The following ENPP2 variants were observed in gnomAD, a reference collection of about 807,000 sequenced individuals.
ENPP2 encodes the protein ectonucleotide pyrophosphatase/phosphodiesterase 2.
Under a neutral mutation model 120.2 loss-of-function variants are expected in ENPP2, and 51 were observed. The ratio of observed to expected loss-of-function variants is 0.42; its 90% CI spans 0.34 to 0.54. The LOEUF (loss-of-function observed/expected upper bound fraction) is 0.54, where lower values mean the gene tolerates loss of function less well. Ranked by LOEUF, ENPP2 falls within the 20% of genes least tolerant of loss-of-function variation. The pLI is 0.04. For missense variants in ENPP2, 920 were observed against 1,066.5 expected, an observed-to-expected ratio of 0.86 and a Z score of 1.91; for synonymous variants, 365 against 366.4, an observed-to-expected ratio of 1.00 and a Z score of 0.04.
chr8:119,590,220 TAATAAG>T (rs1420911410), intron 13 of ENPP2, among the ~76,000 whole-genome samples: 1 of 152,216 alleles, frequency 6.6e-6, no homozygotes, highest in Non-Finnish European at 1.5e-5. Context: ...AATTTCCACA[TAATAAG>T]AATAAGAGCA....
At chr8:119,614,341 G>C (rs192612958) in intron 8 of ENPP2, among the ~76,000 whole-genome samples, 142 of 151,946 alleles carry the variant, frequency 9.3e-4, no homozygotes, top group African/African-American at 3.3e-3. Flanking sequence ...CTGAGCCATC[G>C]CACATGAGCC....
rs1817976544 is a variant in ENPP2, at chr8:119,663,217, G to A, written c.21+10035C>T. The stretch of plus-strand genomic sequence containing the variant: ...CACGAGATGAGCAGTGCTTTTTCAA[G>A]TTAGGTCAAAAAACAAAATCCCAAC... On this transcript the variant is annotated intron_variant, in intron 1 of 25. Coordinates refer to the ENPP2 transcript ENST00000427067. Among the ~76,000 whole-genome samples, 3 of 151,934 alleles carry A rather than the reference G, an allele frequency of 2.0e-5. 1 individual carries two copies. In the South Asian group the frequency reaches 6.2e-4, roughly 31 times the overall value.
chr8:119,561,495 T>C (rs1029699211), intron 24 of ENPP2, among the ~76,000 whole-genome samples: 2 of 152,162 alleles, frequency 1.3e-5, no homozygotes, highest in Admixed American at 1.3e-4. Context: ...GACCATTACT[T>C]CTAAAATCAA....
chr8:119,608,026 AAAG>A, intron 8 of ENPP2, 49 bp from the exon 9 acceptor site: 2 of 1,334,134 alleles, frequency 1.5e-6, no homozygotes, highest in Non-Finnish European at 2.1e-6. Flanking sequence ...TGTTTTTGTC[AAAG>A]AAGAAAAAGT....
At chr8:119,646,686 C>G (rs1280573411) in intron 1 of ENPP2, among the ~76,000 whole-genome samples, 1 of 152,188 alleles carries the variant, frequency 6.6e-6, no homozygotes, top group Non-Finnish European at 1.5e-5. Context: ...GAGAGTATTA[C>G]ATGAAATAAT....
intron 9 of ENPP2, among the ~76,000 whole-genome samples, chr8:119,604,990 T>C (rs574532848): frequency 1.3e-5 from 2 of 152,058 alleles, no homozygotes; most frequent in South Asian, 4.2e-4. Context: ...AGCCAGGATG[T>C]TCTCCATCTC....
At chr8:119,641,160 T>C (rs1364301130), upstream of ENPP2, among the ~76,000 whole-genome samples, 1 of 152,234 alleles carries the variant, frequency 6.6e-6, no homozygotes, top group African/African-American at 2.4e-5. Flanking sequence ...CAAGCATATA[T>C]GTGCATACAC....
intron 23 of ENPP2, among the ~76,000 whole-genome samples, 178 bp from the exon 24 acceptor site, chr8:119,563,191 G>A (rs1468238566): frequency 2.0e-5 from 3 of 151,962 alleles, no homozygotes; most frequent in Non-Finnish European, 4.4e-5. Flanking sequence ...TGTTTTCTTT[G>A]CCTGGAATCC....
intron 11 of ENPP2, among the ~76,000 whole-genome samples, chr8:119,594,980 AT>A (rs1385639960): frequency 6.6e-6 from 1 of 152,210 alleles, no homozygotes; most frequent in Non-Finnish European, 1.5e-5. Flanking sequence ...TTCAAGTCCT[AT>A]CCCAAGGAGG....
chr8:119,654,935 T>G (rs1817726896), intron 1 of ENPP2, among the ~76,000 whole-genome samples: 1 of 152,174 alleles, frequency 6.6e-6, no homozygotes. Context: ...GTTACTCAAA[T>G]TCAATTAAAT....
At chr8:119,583,460 G>C (rs1248460099) in intron 17 of ENPP2, among the ~76,000 whole-genome samples, 1 of 152,216 alleles carries the variant, frequency 6.6e-6, no homozygotes, top group Non-Finnish European at 1.5e-5. Flanking sequence ...AAACTGTAAT[G>C]CTATGTTAGA....
chr8:119,639,935 C>A (rs73714492), upstream of ENPP2, among the ~76,000 whole-genome samples: 469 of 152,230 alleles, frequency 3.1e-3, 3 homozygotes, highest in African/African-American at 0.011. Flanking sequence ...TGTTTTTGGC[C>A]TCTTCCTCAG....
rs1345557900 is a variant in ENPP2, at chr8:119,658,312, G to A, written c.21+14940C>T. Reference sequence around the variant, plus strand: ...TTAGGCAGAGTCTCAGCTCTGTCGCGCAAGCTGGAGTGCAGTGGTGCAATC... The same window carrying A: ...TTAGGCAGAGTCTCAGCTCTGTCGCACAAGCTGGAGTGCAGTGGTGCAATC... On this transcript the variant is annotated intron_variant, in intron 1 of 25. Coordinates refer to the ENPP2 transcript ENST00000427067. Among the ~76,000 whole-genome samples the A allele has an allele frequency of 5.3e-5, 8 of 152,144 alleles. No homozygotes were observed. The South Asian group carries it at 6.2e-4, about 12-fold the overall frequency.
intron 2 of ENPP2, among the ~76,000 whole-genome samples, chr8:119,630,761 C>A (rs1309865466): frequency 6.6e-6 from 1 of 151,856 alleles, no homozygotes; most frequent in Non-Finnish European, 1.5e-5. Flanking sequence ...ATACCTATGT[C>A]AAAATTCATT....
At chr8:119,667,147 C>T (rs1339310280) in intron 1 of ENPP2, among the ~76,000 whole-genome samples, 1 of 152,142 alleles carries the variant, frequency 6.6e-6, no homozygotes, top group Non-Finnish European at 1.5e-5. Flanking sequence ...CATATGGCCA[C>T]CCAACAAAGG....
intron 2 of ENPP2, among the ~76,000 whole-genome samples, chr8:119,630,107 T>G (rs1279150640): frequency 6.6e-6 from 1 of 151,692 alleles, no homozygotes; most frequent in Non-Finnish European, 1.5e-5. Flanking sequence ...TCTTCCCTAT[T>G]TCTTTCTTTT....
At chr8:119,560,673 T>C (rs1041016002) in intron 24 of ENPP2, among the ~76,000 whole-genome samples, 22 of 152,180 alleles carry the variant, frequency 1.4e-4, no homozygotes, top group African/African-American at 4.6e-4. Context: ...ACATTTTCCT[T>C]GGGTACCTAA....
Position 119,653,828 on chromosome 8 carries a change from G to A in ENPP2, c.22-15301C>T, listed in dbSNP as rs141922602. 5.1e-3 allele frequency among the ~76,000 whole-genome samples: 769 copies of A among 152,058 alleles called. 10 individuals are homozygous for A. Among genetic ancestry groups the A allele is most frequent in the African/African-American group, 0.018 (727 of 41,484 alleles). On this transcript the variant is annotated intron_variant, in intron 1 of 25. Transcript: ENST00000427067. ...ACGCTTGTGACTGTGCAGCCTGAAC[G>A]TGTGGCGTAGATGAGGGGAGAAGGT...
intron 1 of ENPP2, among the ~76,000 whole-genome samples, chr8:119,646,557 T>C (rs1817473963): frequency 6.6e-6 from 1 of 152,174 alleles, no homozygotes; most frequent in South Asian, 2.1e-4. Flanking sequence ...CTAAACTCCC[T>C]AAATTCAAAT....
Sources: allele counts gnomAD v4.1 joint callset (sites outside exome capture counted in the v4.1 genomes callset), GRCh38; gene constraint gnomAD v4.1.1; transcripts MANE v1.5; gene names NCBI Gene and HGNC (gene_info 2026-07-23, HGNC 2026-07-21).